The following PAQR5 variants were observed in gnomAD, a reference collection of about 807,000 sequenced individuals.
PAQR5 encodes membrane progestin receptor gamma.
A neutral mutation model predicts 34.5 loss-of-function variants in PAQR5; 20 were observed. The ratio of observed to expected loss-of-function variants is 0.58; its 90% confidence interval spans 0.41 to 0.84. The LOEUF (loss-of-function observed/expected upper bound fraction) is 0.84, where lower values mean the gene tolerates loss of function less well. PAQR5 is among the 40% of genes least tolerant of loss of function. The pLI is 0.00. For synonymous variants in PAQR5, 131 were observed against 155.6 expected (o/e 0.84, Z 1.18); for missense variants, 378 against 412.7 (o/e 0.92, Z 0.73).
rs2056068885 is a variant in PAQR5 at position 69,385,024 on chromosome 15, A to C, written c.385+142A>C. ...TGCCAGTGCCCCTGTCCAGGTTCCCAATGGGTGTTTTATAAGAAACTGTCC... is the reference window on the plus strand; with the variant it reads ...TGCCAGTGCCCCTGTCCAGGTTCCCCATGGGTGTTTTATAAGAAACTGTCC... On this transcript the variant is annotated intron_variant, in intron 5 of 8. Coordinates refer to ENST00000395407, the MANE Select transcript of PAQR5 (RefSeq NM_017705.4). This position sits in a 1 kb window ranked among gnomAD's most constrained non-coding sequence, Gnocchi z 4.7. The C allele has an allele frequency of 4.7e-6, 3 of 639,002 alleles. No individual in the cohort carries two copies. The Admixed American group carries it at 8.5e-5, about 18-fold the overall frequency. The allele number at this position is 639,002 out of a possible 1,614,324, so 39.6% of individuals were successfully genotyped here.
chr15:69,355,163 C>G (rs571569290), intron 2 of PAQR5, among the ~76,000 whole-genome samples: 52 of 151,494 alleles, frequency 3.4e-4, no homozygotes, highest in Non-Finnish European at 6.5e-4. Flanking sequence ...CCCCTGTCAC[C>G]CATCTCTCTC....
chr15:69,407,420 T>C lies in PAQR5; in HGVS notation c.*3598T>C, dbSNP rs1413257786. ...CTGGGATTACAGGCATGAGCCACAC[T>C]GCACCCAGTCCATGCTACCCTTTTT... On this transcript the variant is annotated 3_prime_UTR_variant, in exon 9 of 9. Transcript: ENST00000395407. 3 of 152,266 alleles carry C rather than the reference T, an allele frequency of 2.0e-5. No homozygotes were observed. Among genetic ancestry groups the C allele is most frequent in the African/African-American group, 7.2e-5 (3 of 41,468 alleles). 9.4% of individuals were successfully genotyped at this position (152,266 alleles called of 1,614,324 possible). A position where few individuals can be genotyped will look rare whatever the true frequency, so the allele number is the denominator to read the frequency against.
At chr15:69,389,573 G>A (rs968002783) in intron 5 of PAQR5, 81 bp from the exon 6 acceptor site, 9 of 1,577,888 alleles carry the variant, frequency 5.7e-6, no homozygotes, top group African/African-American at 2.7e-5. Flanking sequence ...GGCCAAGCCA[G>A]ATGCTGGGGA....
At chr15:69,328,598 C>A (rs2054306196) in intron 1 of PAQR5, among the ~76,000 whole-genome samples, 1 of 152,110 alleles carries the variant, frequency 6.6e-6, no homozygotes. Flanking sequence ...TGCAGCCTGG[C>A]CAGCCTGGAA....
chr15:69,404,916 G>A lies in PAQR5; in HGVS notation c.*1094G>A. 1 of 398,580 alleles carries A rather than the reference G, an allele frequency of 2.5e-6. No homozygotes were observed. Among genetic ancestry groups the A allele is most frequent in the Admixed American group, 4.4e-5 (1 of 22,738 alleles). 24.7% of individuals were successfully genotyped at this position (398,580 alleles called of 1,614,324 possible). On this transcript the variant is annotated 3_prime_UTR_variant, in exon 9 of 9. Transcript: ENST00000395407. ...GATCTGCACTGGAGCAAGTCTCCCAGATGATTCTAATACAGGAGGGCCAGA... is the reference window on the plus strand; with the variant it reads ...GATCTGCACTGGAGCAAGTCTCCCAAATGATTCTAATACAGGAGGGCCAGA...
At chr15:69,370,194 G>GCAGT (rs2055521150) in intron 3 of PAQR5, among the ~76,000 whole-genome samples, 1 of 152,230 alleles carries the variant, frequency 6.6e-6, no homozygotes, top group Non-Finnish European at 1.5e-5. Context: ...GCTGGGTGCT[G>GCAGT]TGAAGCACAC....
At chr15:69,368,932 A>AT (rs2140880340) in intron 3 of PAQR5, among the ~76,000 whole-genome samples, 1 of 152,026 alleles carries the variant, frequency 6.6e-6, no homozygotes, top group African/African-American at 2.4e-5. Flanking sequence ...TACCCAGCTA[A>AT]TTTTTTAAAA....
chr15:69,324,410 G>C (rs1053779256), intron 1 of PAQR5, among the ~76,000 whole-genome samples: 1 of 152,196 alleles, frequency 6.6e-6, no homozygotes, highest in African/African-American at 2.4e-5. Flanking sequence ...CTTGTCATCT[G>C]GTAGATACCA....
At chr15:69,349,619 G>A (rs768762389) in intron 2 of PAQR5, among the ~76,000 whole-genome samples, 1 of 151,494 alleles carries the variant, frequency 6.6e-6, no homozygotes, top group Non-Finnish European at 1.5e-5. Context: ...GGAGGTGTTC[G>A]ATCTCCCTTA....
At chr15:69,341,080 C>G (rs2054628097) in intron 2 of PAQR5, among the ~76,000 whole-genome samples, 1 of 152,184 alleles carries the variant, frequency 6.6e-6, no homozygotes, top group Non-Finnish European at 1.5e-5. Context: ...AGTACATTCA[C>G]ATTGCTGTGC....
chr15:69,333,508 T>C (rs939847821), intron 1 of PAQR5, among the ~76,000 whole-genome samples: 2 of 152,138 alleles, frequency 1.3e-5, no homozygotes, highest in Non-Finnish European at 2.9e-5. Context: ...ACCTGGAAGA[T>C]AAGGAGGCGT....
intron 1 of PAQR5, among the ~76,000 whole-genome samples, chr15:69,327,407 C>T (rs962184826): frequency 6.6e-6 from 1 of 152,264 alleles, no homozygotes; most frequent in African/African-American, 2.4e-5. Flanking sequence ...CAGCTCTTTC[C>T]CCCTCTCTCC....
At chr15:69,301,250 C>A (rs1238873338) in intron 1 of PAQR5, among the ~76,000 whole-genome samples, 1 of 151,994 alleles carries the variant, frequency 6.6e-6, no homozygotes, top group Non-Finnish European at 1.5e-5. Flanking sequence ...ATGACCCACC[C>A]GGGTTGGCCT....
chr15:69,367,401 G>A lies in PAQR5; in HGVS notation c.51+7270G>A, dbSNP rs191755519. 1.5e-3 allele frequency among the ~76,000 whole-genome samples: 234 copies of A among 152,280 alleles called. 2 individuals are homozygous for A. The highest frequency in any genetic ancestry group is 5.3e-3 in the African/African-American group (222 of 41,560). ...AACATGAATAGCTGTACTAGACAGG[G>A]TCAGGCTATGCTGAGTTAAAAATTA... On this transcript the variant is annotated intron_variant, in intron 3 of 8. Transcript: ENST00000395407.
intron 6 of PAQR5, among the ~76,000 whole-genome samples, chr15:69,393,906 G>A (rs1311664043): frequency 6.6e-6 from 1 of 152,136 alleles, no homozygotes; most frequent in Non-Finnish European, 1.5e-5. Context: ...TCATTCTGTA[G>A]CATTTGAGAG....
At chr15:69,394,334 A>G (rs1027001591) in intron 6 of PAQR5, among the ~76,000 whole-genome samples, 8 of 152,194 alleles carry the variant, frequency 5.3e-5, no homozygotes, top group African/African-American at 1.7e-4. Flanking sequence ...AGGCTTGGCC[A>G]GAGGATAAAG....
At chr15:69,401,935 G>T (rs2056640863) in intron 8 of PAQR5, among the ~76,000 whole-genome samples, 1 of 152,170 alleles carries the variant, frequency 6.6e-6, no homozygotes, top group South Asian at 2.1e-4. Context: ...ATCTCACTGT[G>T]TTGCCCAGGC....
chr15:69,370,945 G>T (rs554499988), intron 3 of PAQR5, among the ~76,000 whole-genome samples: 1 of 152,268 alleles, frequency 6.6e-6, no homozygotes, highest in African/African-American at 2.4e-5. Context: ...TTACATTGAT[G>T]AATTACTTAT....
At chr15:69,354,387 C>G (rs914187382) in intron 2 of PAQR5, among the ~76,000 whole-genome samples, 1 of 152,070 alleles carries the variant, frequency 6.6e-6, no homozygotes, top group Non-Finnish European at 1.5e-5. Context: ...TTCTTCATCA[C>G]GTAATATAAG....
Sources: allele counts gnomAD v4.1 joint callset (sites outside exome capture counted in the v4.1 genomes callset), GRCh38; gene constraint gnomAD v4.1.1; non-coding constraint Gnocchi (gnomAD v3.1); transcripts MANE v1.5; gene names NCBI Gene and HGNC (gene_info 2026-07-23, HGNC 2026-07-21).